The following ACSM4 variants were observed in gnomAD, a reference collection of about 807,000 sequenced individuals.
ACSM4 encodes the protein acyl-CoA synthetase medium chain family member 4, also known as acyl-coenzyme A synthetase ACSM4, mitochondrial.
In ACSM4, 66 loss-of-function variants were observed where a neutral mutation model predicts 73.0. The observed-to-expected ratio is 0.90, with a 90% CI of 0.74 to 1.11. ACSM4 has a LOEUF of 1.11. Ranked by LOEUF, ACSM4 falls within the 50% of genes least tolerant of loss-of-function variation. ACSM4 has a pLI of 0.00. For synonymous variants in ACSM4, 222 were observed against 254.0 expected, an observed-to-expected ratio of 0.87 and a Z score of 1.20; for missense variants, 645 against 714.4, an observed-to-expected ratio of 0.90 and a Z score of 1.11.
At position 7,320,149 on chromosome 12, in the gene ACSM4, A is replaced by G. The variant is rs756517193; in HGVS notation, c.922-576A>G. On this transcript the variant is annotated intron_variant, in intron 5 of 12. Transcript: ENST00000399422. ...TCTCCAGAAGGAGGAGCTCTAAAACATTAGTATTTCTCTAGATTTAAGATG... is the reference window on the plus strand; with the variant it reads ...TCTCCAGAAGGAGGAGCTCTAAAACGTTAGTATTTCTCTAGATTTAAGATG... Among the ~76,000 whole-genome samples, 4 of 152,338 alleles carry G rather than the reference A, an allele frequency of 2.6e-5. No individual in the cohort carries two copies. The South Asian group carries it at 8.3e-4, about 32-fold the overall frequency.
chr12:7,309,732 C>T (rs1426863039), intron 2 of ACSM4, among the ~76,000 whole-genome samples: 1 of 152,032 alleles, frequency 6.6e-6, no homozygotes, highest in Non-Finnish European at 1.5e-5. Flanking sequence ...ATTTTCATTT[C>T]TTAGTCCCAA....
At chr12:7,307,317 A>G (rs1946367531) in intron 2 of ACSM4, among the ~76,000 whole-genome samples, 1 of 152,174 alleles carries the variant, frequency 6.6e-6, no homozygotes, top group South Asian at 2.1e-4. Context: ...CTATTCAGTC[A>G]CAGCTAGAAA....
chr12:7,306,832 T>C, intron 2 of ACSM4, 89 bp downstream of exon 2: 1 of 1,080,464 alleles, frequency 9.3e-7, no homozygotes, highest in South Asian at 2.3e-5. Flanking sequence ...TGATTAAAAG[T>C]ATGCATACAG....
chr12:7,320,589 A>T, intron 5 of ACSM4, 136 bp from the exon 6 acceptor site: 1 of 652,788 alleles, frequency 1.5e-6, no homozygotes, highest in South Asian at 2.0e-5. Context: ...AGTAATAAAT[A>T]TTGTTTTCTT....
rs751236848 is a variant in ACSM4 at position 7,304,542 on chromosome 12, G to A, written c.201+10G>A. On this transcript the variant is annotated intron_variant, in intron 1 of 12. Transcript: ENST00000399422. ...GTCCCAAAAGGAGAAGGTATATGACGATGGGCTTCCAGTAGATGCTTGGTG... is the reference window on the plus strand; with the variant it reads ...GTCCCAAAAGGAGAAGGTATATGACAATGGGCTTCCAGTAGATGCTTGGTG... The A allele has an allele frequency of 7.4e-6, 12 of 1,611,382 alleles. No homozygotes were observed. Among genetic ancestry groups the A allele is most frequent in the African/African-American group, 1.3e-5 (1 of 74,982 alleles).
chr12:7,319,069 G>A (rs929559911), intron 5 of ACSM4, among the ~76,000 whole-genome samples: 10 of 152,102 alleles, frequency 6.6e-5, no homozygotes, highest in African/African-American at 2.2e-4. Flanking sequence ...AATTATACAA[G>A]TCACCATAAT....
chr12:7,313,553 A>C (rs1946402337), intron 3 of ACSM4, among the ~76,000 whole-genome samples: 1 of 152,184 alleles, frequency 6.6e-6, no homozygotes, highest in South Asian at 2.1e-4. Context: ...GAAGTCCATT[A>C]ACACTTTCCA....
intron 6 of ACSM4, among the ~76,000 whole-genome samples, chr12:7,321,451 G>A (rs760309223): frequency 2.0e-5 from 3 of 152,340 alleles, no homozygotes; most frequent in South Asian, 4.1e-4. Flanking sequence ...CCACCAAAGT[G>A]TGGTTGCCCA....
intron 6 of ACSM4, 135 bp from the exon 7 acceptor site, chr12:7,322,283 A>T (rs2136336169): frequency 8.0e-7 from 1 of 1,244,628 alleles, no homozygotes; most frequent in East Asian, 2.4e-5. Context: ...GGTGTTCAAC[A>T]AGTATTTGTT....
At chr12:7,318,232 C>T (rs769612002) in intron 5 of ACSM4, 50 bp downstream of exon 5, 2 of 1,582,452 alleles carry the variant, frequency 1.3e-6, no homozygotes, top group Non-Finnish European at 1.7e-6. Flanking sequence ...TTCCTTGTTT[C>T]CCATAAAATC....
In ACSM4 at chr12:7,306,714, G is replaced by C. The variant is rs570603667; in HGVS notation, c.383G>C (p.Trp128Ser). The change falls in exon 2 of 13, where the codon TGG (tryptophan) becomes TCG (serine). Residue 128 changes from tryptophan to serine, a missense_variant. Trp to Ser is a radical substitution (Grantham distance 177). Transcript: ENST00000399422. Reference protein sequence around the residue: ...AVILPRIPEWWLVNVACIRTG... With the variant: ...AVILPRIPEWSLVNVACIRTG... ...ATTCTGCCCAGAATCCCTGAGTGGT[G>C]GCTGGTCAATGTAGCTTGCATACGA... The C allele has an allele frequency of 3.7e-6, 6 of 1,611,168 alleles. No individual in the cohort carries two copies. The highest frequency in any genetic ancestry group is 5.1e-6 in the Non-Finnish European group (6 of 1,178,782).
At chr12:7,314,655 A>T (rs1388615992) in intron 3 of ACSM4, among the ~76,000 whole-genome samples, 1 of 152,192 alleles carries the variant, frequency 6.6e-6, no homozygotes, top group Non-Finnish European at 1.5e-5. Flanking sequence ...AGATAGAGAG[A>T]TAGATGCCTT....
In ACSM4 at chr12:7,306,977, G is replaced by A. The variant is rs781281908; in HGVS notation, c.412+234G>A. ...CAAGGCTCAGGTTAAGAAGCTTGCC[G>A]GGCGTGGTGGCTCACGCCTGTAAGC... On this transcript the variant is annotated intron_variant, in intron 2 of 12. Transcript: ENST00000399422. Among the ~76,000 whole-genome samples, 310 of 152,226 alleles carry A rather than the reference G, an allele frequency of 2.0e-3. 1 individual carries two copies. The highest frequency in any genetic ancestry group is 6.9e-3 in the African/African-American group (286 of 41,560).
rs758699153 is a variant in ACSM4 at position 7,322,401 on chromosome 12, C to G, written c.1002-17C>G. The G allele has an allele frequency of 6.2e-7, 1 of 1,613,214 alleles. No individual in the cohort carries two copies. Among genetic ancestry groups the G allele is most frequent in the South Asian group, 1.1e-5 (1 of 91,050 alleles). ...CAGGTTCCTCTTGAAAAGACCCATG[C>G]AACTCTGTCTCTCCAGATATAAATT... On this transcript the variant is annotated splice_polypyrimidine_tract_variant and intron_variant, in intron 6 of 12. Transcript: ENST00000399422.
intron 5 of ACSM4, 128 bp downstream of exon 5, chr12:7,318,310 A>C (rs142651700): frequency 2.4e-5 from 30 of 1,270,862 alleles, no homozygotes; most frequent in African/African-American, 7.5e-5. Context: ...TATACAAAGC[A>C]AAGTCTCAAG....
intron 3 of ACSM4, 50 bp downstream of exon 3, chr12:7,310,796 T>C (rs1412138774): frequency 3.9e-6 from 6 of 1,541,164 alleles, no homozygotes; most frequent in East Asian, 2.3e-5. Context: ...ACACAAATTA[T>C]AGCTATATCT....
intron 3 of ACSM4, among the ~76,000 whole-genome samples, chr12:7,311,397 A>G (rs1946389487): frequency 6.6e-6 from 1 of 151,504 alleles, no homozygotes; most frequent in South Asian, 2.1e-4. Flanking sequence ...CGCTCCTGTT[A>G]TTTCTTCTGC....
chr12:7,325,508 A>C (rs1177980122), intron 11 of ACSM4, among the ~76,000 whole-genome samples: 1 of 152,128 alleles, frequency 6.6e-6, no homozygotes, highest in Non-Finnish European at 1.5e-5. Flanking sequence ...TTAGCCTGGC[A>C]TGGTGGCGGG....
intron 2 of ACSM4, among the ~76,000 whole-genome samples, chr12:7,307,360 A>C (rs1946367657): frequency 6.6e-6 from 1 of 152,218 alleles, no homozygotes; most frequent in Non-Finnish European, 1.5e-5. Context: ...ACAAAGCTCT[A>C]TAAAAGCAAA....
Sources: gnomAD v4.1 joint callset for allele counts (sites outside exome capture counted in the v4.1 genomes callset) on GRCh38, gnomAD v4.1.1 for gene constraint, MANE v1.5 for transcripts, NCBI Gene and HGNC (gene_info 2026-07-23, HGNC 2026-07-21) for gene names.